The following CSGALNACT1 variants were observed in gnomAD, a reference collection of about 807,000 sequenced individuals.
CSGALNACT1 encodes the protein beta4GalNAcT-1.
CSGALNACT1 carries 52 observed loss-of-function variants against 51.0 expected under a neutral mutation model. The observed-to-expected ratio is 1.02, with a 90% confidence interval of 0.82 to 1.29. CSGALNACT1 has a LOEUF of 1.29. Among genes scored for constraint, CSGALNACT1 ranks in the 50% most tolerant of loss-of-function variants. The probability of loss-of-function intolerance (pLI) is 0.00; values close to 1 mark genes in which losing one functional copy is unlikely to be tolerated. For synonymous variants in CSGALNACT1, 341 were observed against 254.4 expected (o/e 1.34, Z -3.24); for missense variants, 935 against 679.2 (o/e 1.38, Z -4.19).
At chr8:19,696,558 G>T (rs2061593220) in intron 1 of CSGALNACT1, among the ~76,000 whole-genome samples, 1 of 152,176 alleles carries the variant, frequency 6.6e-6, no homozygotes, top group African/African-American at 2.4e-5. Context: ...TAGCTACAGT[G>T]GTTATGAACC....
chr8:19,593,576 C>T (rs1309819238), intron 2 of CSGALNACT1, among the ~76,000 whole-genome samples: 1 of 152,132 alleles, frequency 6.6e-6, no homozygotes, highest in African/African-American at 2.4e-5. Context: ...AGCCCCAGCT[C>T]CCATTAATGT....
intron 4 of CSGALNACT1, among the ~76,000 whole-genome samples, chr8:19,484,254 A>G (rs1217640145): frequency 6.6e-6 from 1 of 150,430 alleles, no homozygotes; most frequent in Non-Finnish European, 1.5e-5. Flanking sequence ...AAAGATGAAC[A>G]TTCTCCACCG....
intron 4 of CSGALNACT1, among the ~76,000 whole-genome samples, chr8:19,462,233 T>C (rs1285495317): frequency 6.6e-6 from 1 of 152,224 alleles, no homozygotes; most frequent in Non-Finnish European, 1.5e-5. Flanking sequence ...CTGCATCTCG[T>C]TGAGTTTCTG....
chr8:19,475,269 T>G (rs1178202983), intron 4 of CSGALNACT1, among the ~76,000 whole-genome samples: 2 of 152,232 alleles, frequency 1.3e-5, no homozygotes, highest in African/African-American at 2.4e-5. Context: ...AGGTAGAGAA[T>G]GCAGTAAGAC....
chr8:19,613,902 T>C (rs1296468603), intron 1 of CSGALNACT1, among the ~76,000 whole-genome samples: 1 of 152,196 alleles, frequency 6.6e-6, no homozygotes, highest in Non-Finnish European at 1.5e-5. Flanking sequence ...CATCCAGTGG[T>C]TGAGGACTCC....
intron 4 of CSGALNACT1, among the ~76,000 whole-genome samples, chr8:19,484,821 A>T (rs2072446844): frequency 6.6e-6 from 1 of 152,184 alleles, no homozygotes; most frequent in Non-Finnish European, 1.5e-5. Context: ...TCCTAATCCA[A>T]TCTGACCGGT....
At chr8:19,649,819 C>CAAAGAAAAAAAAAAAAAA (rs2057622389) in intron 1 of CSGALNACT1, among the ~76,000 whole-genome samples, 1 of 29,398 alleles carries the variant, frequency 3.4e-5, no homozygotes, top group Non-Finnish European at 5.8e-5. Context: ...TTCCAAGTAG[C>CAAAGAAAAAAAAAAAAAA]AAAAAAAAAA....
At chr8:19,705,010 A>C (rs1260276891) in intron 1 of CSGALNACT1, among the ~76,000 whole-genome samples, 1 of 152,228 alleles carries the variant, frequency 6.6e-6, no homozygotes, top group African/African-American at 2.4e-5. Context: ...CTGGTAACCT[A>C]CATCATAGTG....
At chr8:19,631,027 A>C (rs1452103552) in intron 1 of CSGALNACT1, among the ~76,000 whole-genome samples, 6 of 152,144 alleles carry the variant, frequency 3.9e-5, no homozygotes, top group Non-Finnish European at 4.4e-5. Context: ...TTGTATAATG[A>C]TATGTATCTA....
At chr8:19,746,948 T>A (rs2064707643) in intron 1 of CSGALNACT1, among the ~76,000 whole-genome samples, 2 of 152,208 alleles carry the variant, frequency 1.3e-5, no homozygotes. Context: ...AACCATCGCT[T>A]GTGGACACCA....
At chr8:19,563,941 C>A (rs2041359309) in intron 3 of CSGALNACT1, among the ~76,000 whole-genome samples, 1 of 152,062 alleles carries the variant, frequency 6.6e-6, no homozygotes, top group Non-Finnish European at 1.5e-5. Flanking sequence ...ACTCACACAC[C>A]ACGCTGCGGC....
chr8:19,510,858 G>C (rs1303166125), intron 3 of CSGALNACT1, among the ~76,000 whole-genome samples: 1 of 152,218 alleles, frequency 6.6e-6, no homozygotes, highest in Admixed American at 6.5e-5. Flanking sequence ...GGCAGGTCAG[G>C]TTTGTTTCAC....
intron 1 of CSGALNACT1, among the ~76,000 whole-genome samples, chr8:19,621,197 A>T (rs1048938818): frequency 6.6e-6 from 1 of 152,162 alleles, no homozygotes; most frequent in East Asian, 1.9e-4. Context: ...TGACACAATG[A>T]TAAAACTTTT....
intron 4 of CSGALNACT1, among the ~76,000 whole-genome samples, chr8:19,499,808 T>A (rs1390718041): frequency 6.6e-6 from 1 of 152,200 alleles, no homozygotes; most frequent in Non-Finnish European, 1.5e-5. Flanking sequence ...TGATTAAGAA[T>A]GTCAATTCTG....
chr8:19,595,219 A>T (rs1588855389), intron 2 of CSGALNACT1, among the ~76,000 whole-genome samples: 2 of 152,236 alleles, frequency 1.3e-5, no homozygotes, highest in African/African-American at 4.8e-5. Context: ...TTATTAAGAA[A>T]AAAAGGCTAG....
intron 4 of CSGALNACT1, among the ~76,000 whole-genome samples, chr8:19,482,698 G>A (rs895410219): frequency 6.6e-6 from 1 of 152,030 alleles, no homozygotes; most frequent in South Asian, 2.1e-4. Context: ...TCAAAGTTCC[G>A]ATCACAGATC....
chr8:19,451,595 G>A (rs1055459208), intron 5 of CSGALNACT1, among the ~76,000 whole-genome samples: 2 of 152,116 alleles, frequency 1.3e-5, no homozygotes, highest in Non-Finnish European at 2.9e-5. Context: ...GAATATACCC[G>A]TGCCTGGCCA....
intron 1 of CSGALNACT1, among the ~76,000 whole-genome samples, chr8:19,707,093 T>C (rs1056734657): frequency 6.6e-6 from 1 of 152,106 alleles, no homozygotes; most frequent in Non-Finnish European, 1.5e-5. Flanking sequence ...ACTGCCTTTC[T>C]GATCTATTCA....
chr8:19,502,074 G>A (rs533714430), intron 4 of CSGALNACT1, among the ~76,000 whole-genome samples: 2 of 152,346 alleles, frequency 1.3e-5, no homozygotes, highest in East Asian at 1.9e-4. Flanking sequence ...TTTTCCCTCT[G>A]CAAGCTTCGC....
Sources: allele counts gnomAD v4.1 joint callset (sites outside exome capture counted in the v4.1 genomes callset), GRCh38; gene constraint gnomAD v4.1.1; transcripts MANE v1.5; gene names NCBI Gene and HGNC (gene_info 2026-07-23, HGNC 2026-07-21).